Variants in TF observed in about 807,000 individuals in gnomAD.
The protein encoded by TF is serotransferrin.
TF carries 55 observed loss-of-function variants against 82.4 expected under a neutral mutation model. The ratio of observed to expected loss-of-function variants is 0.67; its 90% CI spans 0.54 to 0.84. TF has a LOEUF of 0.84. Among genes scored for constraint, TF ranks in the 40% least tolerant of loss-of-function variants. The pLI, the probability that TF is intolerant of heterozygous loss-of-function variation, is 0.00. For missense variants in TF, 737 were observed against 868.4 expected (o/e 0.85, Z 1.90); for synonymous variants, 332 against 332.6 (o/e 1.00, Z 0.02).
At chr3:133,753,265 G>A (rs147869027) in intron 2 of TF, among the ~76,000 whole-genome samples, 250 of 152,296 alleles carry the variant, frequency 1.6e-3, no homozygotes, top group African/African-American at 4.1e-3. Context: ...TGGCGAGGGC[G>A]GCTTTCTCCC....
the TF span, among the ~76,000 whole-genome samples, chr3:133,725,696 G>GA: frequency 6.6e-6 from 1 of 151,848 alleles, no homozygotes; most frequent in Non-Finnish European, 1.5e-5. Flanking sequence ...ACACTATGTT[G>GA]AATAGGAGTG....
At chr3:133,763,745 A>G (rs904772459) in intron 9 of TF, among the ~76,000 whole-genome samples, 12 of 152,268 alleles carry the variant, frequency 7.9e-5, no homozygotes, top group Non-Finnish European at 1.3e-4. Context: ...ACACGGAAAT[A>G]GCACTCAGCC....
At chr3:133,706,063 T>C in the TF span, among the ~76,000 whole-genome samples, 1 of 152,152 alleles carries the variant, frequency 6.6e-6, no homozygotes, top group African/African-American at 2.4e-5. Context: ...CTGAGTGACT[T>C]GCCCAGGGCC....
At chr3:133,685,197 C>G in the TF span, among the ~76,000 whole-genome samples, 1 of 152,144 alleles carries the variant, frequency 6.6e-6, no homozygotes, top group African/African-American at 2.4e-5. Context: ...ATTAATGGGA[C>G]GTATCTCAAA....
At position 133,756,871 on chromosome 3, in the gene TF, G is replaced by A. The variant is rs756829191; in HGVS notation, c.732G>A (p.Leu244=). ...AGGCTGACAGGGACCAGTATGAGCT[G>A]CTTTGCCTGGACAACACCCGGAAGC... is the stretch of plus-strand genomic sequence containing the variant. ...ANKADRDQYE[L]LCLDNTRKPV... The change falls in exon 7 of 17, where the codon CTG becomes CTA. Residue 244 remains leucine (L), a synonymous_variant. Coordinates refer to ENST00000402696, the MANE Select transcript of TF (RefSeq NM_001063.4). 1.9e-6 allele frequency: 3 copies of A among 1,614,112 alleles called. No homozygotes were observed. The African/African-American group carries it at 4.0e-5, about 22-fold the overall frequency.
Position 133,793,110 on chromosome 3 carries a change from G to A in TF, c.*14490G>A, listed in dbSNP as rs1934881270. 6.6e-6 allele frequency: 1 copy of A among 152,038 alleles called. No homozygotes were observed. The highest frequency in any genetic ancestry group is 6.5e-5 in the Admixed American group (1 of 15,270). The allele number at this position is 152,038 out of a possible 1,614,324, so 9.4% of individuals were successfully genotyped here. ...TTTCTCTCTTGAACAAGATTTTCATGCAGTATTAAAAGATAATGAAAGATC... is the reference window on the plus strand; with the variant it reads ...TTTCTCTCTTGAACAAGATTTTCATACAGTATTAAAAGATAATGAAAGATC... On this transcript the variant is annotated 3_prime_UTR_variant, in exon 17 of 17. Coordinates refer to ENST00000402696, the MANE Select transcript of TF (RefSeq NM_001063.4).
chr3:133,728,443 C>T, the TF span, among the ~76,000 whole-genome samples: 1 of 151,936 alleles, frequency 6.6e-6, no homozygotes, highest in African/African-American at 2.4e-5. Context: ...CAGTTCATTG[C>T]ATCAGCTCCT....
Position 133,766,402 on chromosome 3 carries a change from G to A in TF, c.1455G>A (p.Leu485=). The change falls in exon 12 of 17, where the codon CTG becomes CTA. Residue 485 remains leucine, a synonymous_variant. Transcript: ENST00000402696. The part of the protein sequence containing the change: ...RTAGWNIPMG[L]LYNKINHCRF... ...CTGGCTGGAACATCCCCATGGGCCT[G>A]CTCTACAATAAGATCAACCACTGCA... 1 of 1,614,218 alleles carries A rather than the reference G, an allele frequency of 6.2e-7. No individual in the cohort carries two copies. The highest frequency in any genetic ancestry group is 2.2e-5 in the East Asian group (1 of 44,878).
chr3:133,794,872 G>A lies in TF; in HGVS notation c.*16252G>A, dbSNP rs1185439963. 6.6e-6 allele frequency: 1 copy of A among 152,204 alleles called. No homozygotes were observed. Among genetic ancestry groups the A allele is most frequent in the African/African-American group, 2.4e-5 (1 of 41,448 alleles). 9.4% of individuals were successfully genotyped at this position (152,204 alleles called of 1,614,324 possible). ...GCTTTTGCCTCTATGAAGAATAGAA[G>A]TGGAAAAAGGATCTGTTGTGTACAA... On this transcript the variant is annotated 3_prime_UTR_variant, in exon 17 of 17. Coordinates refer to ENST00000402696, the MANE Select transcript of TF (RefSeq NM_001063.4).
intron 9 of TF, among the ~76,000 whole-genome samples, chr3:133,760,036 C>T (rs989536256): frequency 2.0e-5 from 3 of 151,852 alleles, no homozygotes; most frequent in South Asian, 2.1e-4. Context: ...TCTTGTAAAA[C>T]CTAATCTGGA....
chr3:133,735,337 C>T, the TF span, among the ~76,000 whole-genome samples: 4 of 104,020 alleles, frequency 3.8e-5, no homozygotes, highest in African/African-American at 1.3e-4. Context: ...AAGACTCCAT[C>T]CCAAAAAAAA....
the TF span, among the ~76,000 whole-genome samples, chr3:133,697,980 G>A: frequency 6.6e-6 from 1 of 152,182 alleles, no homozygotes; most frequent in South Asian, 2.1e-4. Context: ...AGATTAGGCA[G>A]CATATAGGCC....
At chr3:133,682,122 G>T in the TF span, among the ~76,000 whole-genome samples, 1 of 152,176 alleles carries the variant, frequency 6.6e-6, no homozygotes, top group African/African-American at 2.4e-5. Context: ...AACTCCAATG[G>T]ACCTGCAGCT....
the TF span, chr3:133,701,973 T>A: frequency 6.5e-6 from 1 of 153,196 alleles, no homozygotes; most frequent in East Asian, 1.9e-4. Flanking sequence ...TGGTGCGCAG[T>A]GGGCCACCAT....
At chr3:133,721,390 G>T in the TF span, among the ~76,000 whole-genome samples, 2 of 152,086 alleles carry the variant, frequency 1.3e-5, no homozygotes, top group African/African-American at 2.4e-5. Flanking sequence ...TATATGTAAA[G>T]ATTCTGAAGT....
chr3:133,733,864 A>C, the TF span, among the ~76,000 whole-genome samples: 1 of 6,366 alleles, frequency 1.6e-4, no homozygotes. Flanking sequence ...CTTCCTTAAA[A>C]AACAAAAAAA....
the TF span, among the ~76,000 whole-genome samples, chr3:133,684,334 G>T: frequency 1.3e-5 from 2 of 151,992 alleles, no homozygotes; most frequent in African/African-American, 2.4e-5. Flanking sequence ...CTAGCAGAAG[G>T]CAAGAAATAA....
chr3:133,761,224 C>G lies in TF; in HGVS notation c.1203+1895C>G, dbSNP rs548586873. Reference sequence around the variant, plus strand: ...TATTACTGGGATGGCAGAAAGGATTCCCAGACTGGAGGAGGAAGATGACTA... The same window carrying G: ...TATTACTGGGATGGCAGAAAGGATTGCCAGACTGGAGGAGGAAGATGACTA... On this transcript the variant is annotated intron_variant, in intron 9 of 16. Coordinates refer to ENST00000402696, the MANE Select transcript of TF (RefSeq NM_001063.4). 1.9e-5 allele frequency: 4 copies of G among 214,600 alleles called. No individual in the cohort carries two copies. In the East Asian group the frequency reaches 3.3e-4, roughly 18 times the overall value. 13.3% of individuals were successfully genotyped at this position (214,600 alleles called of 1,614,324 possible).
In TF at chr3:133,796,507, C is replaced by T. The variant is rs1172502783; in HGVS notation, c.*17887C>T. The T allele has an allele frequency of 6.6e-6, 1 of 152,236 alleles. No homozygotes were observed. Among genetic ancestry groups the T allele is most frequent in the Non-Finnish European group, 1.5e-5 (1 of 68,060 alleles). The allele number at this position is 152,236 out of a possible 1,614,324, so 9.4% of individuals were successfully genotyped here. On this transcript the variant is annotated 3_prime_UTR_variant, in exon 17 of 17. Coordinates refer to ENST00000402696, the MANE Select transcript of TF (RefSeq NM_001063.4). ...TTTACATAGGGCATACACTGAGTAA[C>T]CAATGGAAACCTCTAGAGGGTATTT...
Sources: gnomAD v4.1 joint callset for allele counts (sites outside exome capture counted in the v4.1 genomes callset) on GRCh38, gnomAD v4.1.1 for gene constraint, MANE v1.5 for transcripts, NCBI Gene and HGNC (gene_info 2026-07-23, HGNC 2026-07-21) for gene names.